The following PPP2R1B variants were observed in gnomAD, a reference collection of about 807,000 sequenced individuals.
PPP2R1B encodes serine/threonine-protein phosphatase 2A 65 kDa regulatory subunit A beta isoform.
PPP2R1B carries 58 observed loss-of-function variants against 72.7 expected under a neutral mutation model. The ratio of observed to expected loss-of-function variants is 0.80; its 90% CI spans 0.65 to 0.99. The LOEUF (loss-of-function observed/expected upper bound fraction) is 0.99, where lower values mean the gene tolerates loss of function less well. PPP2R1B is among the 50% of genes least tolerant of loss of function. The pLI is 0.00. For synonymous variants in PPP2R1B, 256 were observed against 264.6 expected, an observed-to-expected ratio of 0.97 and a Z score of 0.32; for missense variants, 695 against 733.6, an observed-to-expected ratio of 0.95 and a Z score of 0.61.
At chr11:111,753,726 A>C in intron 8 of PPP2R1B, 149 bp from the exon 9 acceptor site, 2 of 774,462 alleles carry the variant, frequency 2.6e-6, no homozygotes, top group Admixed American at 3.2e-5. Context: ...TCCCAGGCTC[A>C]AGCACTTCAG....
At chr11:111,753,194 G>C (rs576887802) in intron 9 of PPP2R1B, among the ~76,000 whole-genome samples, 14 of 152,046 alleles carry the variant, frequency 9.2e-5, no homozygotes, top group Non-Finnish European at 1.8e-4. Context: ...AGAAACCAGG[G>C]AGTATAAAGC....
At chr11:111,692,319 C>A in the PPP2R1B span, among the ~76,000 whole-genome samples, 2 of 121,434 alleles carry the variant, frequency 1.6e-5, no homozygotes, top group Non-Finnish European at 3.2e-5. Flanking sequence ...CCACTGCACT[C>A]CAGCCTAGGC....
chr11:111,738,347 G>A lies in PPP2R1B; in HGVS notation c.*3249C>T, dbSNP rs894380120. ...AGAGGACAGAACAAGCACCTGACCT[G>A]TTTGGCCACCCTGCCCTGCCATCGC... On this transcript the variant is annotated 3_prime_UTR_variant, in exon 15 of 15. Coordinates refer to ENST00000527614, the MANE Select transcript of PPP2R1B (RefSeq NM_002716.5). 1.0e-6 allele frequency: 1 copy of A among 985,426 alleles called. No homozygotes were observed. The highest frequency in any genetic ancestry group is 1.2e-6 in the Non-Finnish European group (1 of 830,008). The allele number at this position is 985,426 out of a possible 1,614,324, so 61.0% of individuals were successfully genotyped here.
chr11:111,743,772 A>G (rs1366318678), intron 11 of PPP2R1B, among the ~76,000 whole-genome samples: 1 of 152,254 alleles, frequency 6.6e-6, no homozygotes, highest in Non-Finnish European at 1.5e-5. Context: ...AACAAATACA[A>G]GTGCCTACTA....
chr11:111,751,043 T>G (rs1176300837), intron 10 of PPP2R1B, among the ~76,000 whole-genome samples: 1 of 152,184 alleles, frequency 6.6e-6, no homozygotes, highest in African/African-American at 2.4e-5. Flanking sequence ...TTCACCATGT[T>G]GGCCAGGCTG....
At chr11:111,747,373 G>GCTCA (rs1221863038) in intron 11 of PPP2R1B, among the ~76,000 whole-genome samples, 1 of 152,164 alleles carries the variant, frequency 6.6e-6, no homozygotes, top group Non-Finnish European at 1.5e-5. Context: ...CCTGCCCTGA[G>GCTCA]CTCACCCTCT....
At chr11:111,708,715 C>T in the PPP2R1B span, among the ~76,000 whole-genome samples, 3 of 152,164 alleles carry the variant, frequency 2.0e-5, no homozygotes, top group African/African-American at 7.2e-5. Context: ...TCCCAAGTAG[C>T]TGGGACCACA....
At chr11:111,713,977 T>A in the PPP2R1B span, among the ~76,000 whole-genome samples, 66 of 151,448 alleles carry the variant, frequency 4.4e-4, no homozygotes, top group Admixed American at 7.9e-4. Context: ...AAAAAAAAAA[T>A]AAATAAAATA....
the PPP2R1B span, chr11:111,721,822 C>T: frequency 1.3e-6 from 2 of 1,599,742 alleles, no homozygotes; most frequent in African/African-American, 1.3e-5. Flanking sequence ...CACCCCCTTG[C>T]TCCTCAGGAA....
At chr11:111,744,691 C>G (rs541852744) in intron 11 of PPP2R1B, among the ~76,000 whole-genome samples, 1 of 152,230 alleles carries the variant, frequency 6.6e-6, no homozygotes, top group African/African-American at 2.4e-5. Context: ...ATAGGAAGGG[C>G]AGGAATAGCT....
chr11:111,703,345 G>T, the PPP2R1B span: 1 of 1,614,152 alleles, frequency 6.2e-7, no homozygotes. Flanking sequence ...AAGAAAATGA[G>T]CCATCCATCG....
chr11:111,764,459 GCAAAAGTTAAACTGA>G (rs1945443213), intron 3 of PPP2R1B, among the ~76,000 whole-genome samples: 1 of 152,114 alleles, frequency 6.6e-6, no homozygotes, highest in African/African-American at 2.4e-5. Context: ...AAAGTCAGAA[GCAAAAGTTAAACTGA>G]CAAAGACAAA....
intron 3 of PPP2R1B, 40 bp downstream of exon 3, chr11:111,764,765 A>G (rs782685052): frequency 1.3e-6 from 2 of 1,596,630 alleles, no homozygotes; most frequent in Non-Finnish European, 1.7e-6. Flanking sequence ...TTATACTGCA[A>G]AAGTTGTAGA....
intron 15 of PPP2R1B, chr11:111,727,071 A>G: frequency 1.2e-6 from 2 of 1,609,758 alleles, no homozygotes; most frequent in Non-Finnish European, 1.7e-6. Context: ...TAAGGCAAAC[A>G]GCATGTTAGC....
chr11:111,724,735 C>T (rs1268547246), downstream of PPP2R1B: 3 of 153,578 alleles, frequency 2.0e-5, no homozygotes, highest in Non-Finnish European at 4.3e-5. Context: ...CACTAAATAA[C>T]AGCTGGTACT....
chr11:111,709,089 G>A, the PPP2R1B span, among the ~76,000 whole-genome samples: 3 of 152,208 alleles, frequency 2.0e-5, no homozygotes, highest in African/African-American at 4.8e-5. Flanking sequence ...CTTAAACAAC[G>A]GAAATTATTT....
intron 9 of PPP2R1B, 92 bp from the exon 10 acceptor site, chr11:111,752,424 G>T: frequency 3.9e-6 from 5 of 1,275,292 alleles, no homozygotes; most frequent in Non-Finnish European, 5.3e-6. Context: ...GGTGAGGTAA[G>T]ACTCAGGTGA....
chr11:111,750,061 C>T (rs2136070666), intron 10 of PPP2R1B, among the ~76,000 whole-genome samples: 1 of 152,292 alleles, frequency 6.6e-6, no homozygotes, highest in South Asian at 2.1e-4. Flanking sequence ...AAAAGGATGA[C>T]AAAATAACTT....
the PPP2R1B span, among the ~76,000 whole-genome samples, chr11:111,714,422 T>G: frequency 6.6e-6 from 1 of 152,172 alleles, no homozygotes; most frequent in East Asian, 1.9e-4. Flanking sequence ...GCAAGGAAGC[T>G]CTGGGATCCA....
Sources: allele counts gnomAD v4.1 joint callset (sites outside exome capture counted in the v4.1 genomes callset), GRCh38; gene constraint gnomAD v4.1.1; transcripts MANE v1.5; gene names NCBI Gene and HGNC (gene_info 2026-07-23, HGNC 2026-07-21).